PRKCQ: variants seen among roughly 807,000 people sequenced by gnomAD.
PRKCQ encodes the protein protein kinase C theta type.
PRKCQ carries 41 observed loss-of-function variants against 91.2 expected under a neutral mutation model. The observed-to-expected ratio is 0.45, with a 90% CI of 0.35 to 0.58. PRKCQ has a LOEUF of 0.58. Among genes scored for constraint, PRKCQ ranks in the 20% least tolerant of loss-of-function variants. The pLI, the probability that PRKCQ is intolerant of heterozygous loss-of-function variation, is 0.00. For synonymous variants in PRKCQ, 307 were observed against 316.9 expected, an observed-to-expected ratio of 0.97 and a Z score of 0.33; for missense variants, 673 against 896.5, an observed-to-expected ratio of 0.75 and a Z score of 3.18.
intron 4 of PRKCQ, among the ~76,000 whole-genome samples, chr10:6,504,828 T>C (rs898408071): frequency 6.6e-6 from 1 of 152,098 alleles, no homozygotes; most frequent in Non-Finnish European, 1.5e-5. Context: ...TTTTGACACA[T>C]AAAAATTTAG....
chr10:6,423,470 C>T (rs567660712), downstream of PRKCQ, among the ~76,000 whole-genome samples: 18 of 152,274 alleles, frequency 1.2e-4, no homozygotes, highest in East Asian at 1.9e-3. Flanking sequence ...CTTCATTCCC[C>T]GGCCTGCCGT....
At chr10:6,547,201 G>A (rs369248946) in intron 1 of PRKCQ, among the ~76,000 whole-genome samples, 18 of 151,908 alleles carry the variant, frequency 1.2e-4, no homozygotes, top group Admixed American at 9.8e-4. Context: ...CTTCAAGGAG[G>A]ACTACAAACC....
intron 1 of PRKCQ, among the ~76,000 whole-genome samples, chr10:6,526,131 G>C (rs1278613766): frequency 1.3e-5 from 2 of 152,200 alleles, no homozygotes; most frequent in Admixed American, 1.3e-4. Context: ...TATTTGAAAT[G>C]CTAAACAATG....
In PRKCQ at chr10:6,465,536, C is replaced by T. The variant is rs2132337332; in HGVS notation, c.1354-1132G>A. Among the ~76,000 whole-genome samples the T allele has an allele frequency of 6.6e-6, 1 of 152,356 alleles. No individual in the cohort carries two copies. ...GATTTTTTAAAGGGTTGTAATGCAT[C>T]ACAGAATCAGTAATCCATAAAGTGT... On this transcript the variant is annotated intron_variant, in intron 12 of 17. Transcript: ENST00000263125. The surrounding 1 kb of genome is among the most constrained non-coding windows in gnomAD (Gnocchi z 4.4).
At chr10:6,489,784 G>C (rs1465689939) in intron 8 of PRKCQ, among the ~76,000 whole-genome samples, 1 of 152,038 alleles carries the variant, frequency 6.6e-6, no homozygotes, top group East Asian at 1.9e-4. Context: ...AGAGAGCGGG[G>C]AACAGAATGG....
chr10:6,485,325 T>A, intron 9 of PRKCQ, 56 bp from the exon 10 acceptor site: 1 of 1,359,234 alleles, frequency 7.4e-7, no homozygotes, highest in Non-Finnish European at 1.1e-6. Flanking sequence ...ATGGAACAGC[T>A]CAGCCTGCTA....
At chr10:6,517,676 A>T (rs1157065760) in intron 1 of PRKCQ, among the ~76,000 whole-genome samples, 4 of 138,732 alleles carry the variant, frequency 2.9e-5, no homozygotes, top group Non-Finnish European at 4.5e-5. Context: ...CCAGAGTATT[A>T]CAATATTATT....
chr10:6,460,699 C>T, intron 14 of PRKCQ, among the ~76,000 whole-genome samples: 1 of 152,152 alleles, frequency 6.6e-6, no homozygotes, highest in East Asian at 1.9e-4. Flanking sequence ...TCATGTCGGC[C>T]AGGCTGGTTT....
chr10:6,553,492 A>AT, intron 1 of PRKCQ, among the ~76,000 whole-genome samples: 1 of 27,528 alleles, frequency 3.6e-5, no homozygotes, highest in African/African-American at 6.4e-5. Context: ...CCTGTCTCAA[A>AT]AAAAAAAAAA....
chr10:6,480,928 G>A (rs1836563050), intron 11 of PRKCQ, among the ~76,000 whole-genome samples: 1 of 152,196 alleles, frequency 6.6e-6, no homozygotes, highest in Non-Finnish European at 1.5e-5. Flanking sequence ...CACACAATTT[G>A]TTTTCTTAGG....
chr10:6,502,112 G>A lies in PRKCQ; in HGVS notation c.380-3554C>T, dbSNP rs11259250. Among the ~76,000 whole-genome samples the A allele has an allele frequency of 6.5e-4, 99 of 152,322 alleles. 2 individuals are homozygous for A. The East Asian group carries it at 0.017, about 26-fold the overall frequency. On this transcript the variant is annotated intron_variant, in intron 4 of 17. Transcript: ENST00000263125. The stretch of plus-strand genomic sequence containing the variant: ...CCACAGTTAAAGGAATTAATGAGAC[G>A]TGTTTTGACAGTGGCTGTTCTGCAA...
chr10:6,425,934 G>T (rs1833109235), downstream of PRKCQ, among the ~76,000 whole-genome samples: 2 of 152,182 alleles, frequency 1.3e-5, no homozygotes, highest in South Asian at 4.1e-4. Flanking sequence ...TAGGGGTCCT[G>T]TTGGGGTCTC....
chr10:6,448,963 TA>T (rs1834489839), intron 15 of PRKCQ, among the ~76,000 whole-genome samples: 1 of 142,776 alleles, frequency 7.0e-6, no homozygotes, highest in Non-Finnish European at 1.5e-5. Flanking sequence ...CAAAAGTAGA[TA>T]AAACCACAAA....
At chr10:6,565,254 C>A (rs1477840465) in intron 1 of PRKCQ, among the ~76,000 whole-genome samples, 1 of 152,136 alleles carries the variant, frequency 6.6e-6, no homozygotes, top group Non-Finnish European at 1.5e-5. Context: ...ACCCATAGGT[C>A]TAGTCTATTT....
intron 1 of PRKCQ, among the ~76,000 whole-genome samples, chr10:6,557,254 A>G (rs938319704): frequency 1.3e-5 from 2 of 152,028 alleles, no homozygotes; most frequent in African/African-American, 4.8e-5. Context: ...CTGTGGATCT[A>G]TCTTGCTCCC....
chr10:6,579,837 A>T (rs1444719038), intron 1 of PRKCQ, among the ~76,000 whole-genome samples: 5 of 136,962 alleles, frequency 3.7e-5, no homozygotes, highest in African/African-American at 5.4e-5. Context: ...TTCCTCACGC[A>T]TTTTTTTTTT....
intron 1 of PRKCQ, among the ~76,000 whole-genome samples, chr10:6,564,296 C>A (rs1002917507): frequency 1.3e-5 from 2 of 152,138 alleles, no homozygotes; most frequent in Non-Finnish European, 2.9e-5. Context: ...GGAAACTAAA[C>A]GAGGTCCTCT....
intron 12 of PRKCQ, among the ~76,000 whole-genome samples, chr10:6,470,232 C>A (rs571119679): frequency 6.6e-6 from 1 of 152,286 alleles, no homozygotes; most frequent in Admixed American, 6.5e-5. Context: ...TCCTCCGATA[C>A]TCCTAACTCC....
intron 1 of PRKCQ, among the ~76,000 whole-genome samples, chr10:6,558,070 G>A (rs949852995): frequency 4.0e-5 from 6 of 151,890 alleles, no homozygotes; most frequent in African/African-American, 7.3e-5. Context: ...ACCCCTACAC[G>A]GGCCATGTGA....
Sources: gnomAD v4.1 joint callset for allele counts (sites outside exome capture counted in the v4.1 genomes callset) on GRCh38, gnomAD v4.1.1 for gene constraint, Gnocchi (gnomAD v3.1) non-coding constraint, MANE v1.5 for transcripts, NCBI Gene and HGNC (gene_info 2026-07-23, HGNC 2026-07-21) for gene names.